SUMF1: variants seen among roughly 807,000 people sequenced by gnomAD.
SUMF1 encodes the protein formylglycine-generating enzyme.
A neutral mutation model predicts 47.6 loss-of-function variants in SUMF1; 48 were observed. The ratio of observed to expected loss-of-function variants is 1.01; its 90% CI spans 0.80 to 1.28. The LOEUF (loss-of-function observed/expected upper bound fraction) is 1.28, where lower values mean the gene tolerates loss of function less well. Ranked by LOEUF, SUMF1 falls within the 50% of genes most tolerant of loss-of-function variation. The probability of loss-of-function intolerance (pLI) is 0.00; values close to 1 mark genes in which losing one functional copy is unlikely to be tolerated. For synonymous variants in SUMF1, 230 were observed against 192.1 expected, an observed-to-expected ratio of 1.20 and a Z score of -1.63; for missense variants, 571 against 485.4, an observed-to-expected ratio of 1.18 and a Z score of -1.66.
chr3:4,303,864 C>T, intron 8 of SUMF1: 1 of 1,309,502 alleles, frequency 7.6e-7, no homozygotes, highest in South Asian at 1.3e-5. Flanking sequence ...AGGTGTCTCT[C>T]ACAGGTAGGA....
chr3:4,348,566 A>G (rs775792990), intron 8 of SUMF1, among the ~76,000 whole-genome samples: 5 of 152,190 alleles, frequency 3.3e-5, no homozygotes, highest in Admixed American at 6.5e-5. Flanking sequence ...ACCCAAAACC[A>G]TAAAAACCTC....
chr3:4,266,575 G>A (rs1013515261), intron 8 of SUMF1, among the ~76,000 whole-genome samples: 1 of 152,122 alleles, frequency 6.6e-6, no homozygotes, highest in Non-Finnish European at 1.5e-5. Context: ...CATTGACTTT[G>A]TATCCTGAGA....
intron 8 of SUMF1, among the ~76,000 whole-genome samples, chr3:4,285,780 G>T (rs989448391): frequency 2.6e-5 from 4 of 152,062 alleles, no homozygotes; most frequent in Admixed American, 1.3e-4. Flanking sequence ...AAAGGTTAAA[G>T]TTGATATATT....
chr3:4,318,193 CAAAA>C (rs566619474), intron 8 of SUMF1, among the ~76,000 whole-genome samples: 1 of 137,124 alleles, frequency 7.3e-6, no homozygotes, highest in African/African-American at 2.7e-5. Context: ...AATACAGAGG[CAAAA>C]AAAAAAAGTA....
chr3:4,183,734 A>G (rs1452927169), intron 8 of SUMF1, among the ~76,000 whole-genome samples: 3 of 152,206 alleles, frequency 2.0e-5, no homozygotes, highest in Admixed American at 1.3e-4. Context: ...AAGCCTGCCT[A>G]TATGATTCTT....
At chr3:4,265,179 A>G (rs1293341572) in intron 8 of SUMF1, among the ~76,000 whole-genome samples, 1 of 150,210 alleles carries the variant, frequency 6.7e-6, no homozygotes, top group Non-Finnish European at 1.5e-5. Flanking sequence ...GGACACAAAT[A>G]TGTTCTATGC....
At chr3:4,411,045 G>T in intron 6 of SUMF1, 67 bp from the exon 7 acceptor site, 1 of 1,239,914 alleles carries the variant, frequency 8.1e-7, no homozygotes, top group Non-Finnish European at 1.2e-6. Context: ...CTTCAGTGCA[G>T]AAATGCAGCA....
Position 4,418,706 on chromosome 3 carries a change from C to G in SUMF1, c.603-574G>C, listed in dbSNP as rs1337596171. ...GGTGTGGGGCCCTAACATTCTGCAT[C>G]CTAAACTCTGTTTCAGCCTCTGTTT... On this transcript the variant is annotated intron_variant, in intron 4 of 8. Transcript: ENST00000272902. 2.6e-5 allele frequency among the ~76,000 whole-genome samples: 4 copies of G among 152,214 alleles called. No individual in the cohort carries two copies. The East Asian group carries it at 7.7e-4, about 29-fold the overall frequency.
chr3:4,360,354 G>T (rs1436422579), downstream of SUMF1, among the ~76,000 whole-genome samples: 3 of 149,338 alleles, frequency 2.0e-5, no homozygotes, highest in Non-Finnish European at 4.4e-5. Flanking sequence ...CTGAGACAAA[G>T]TCTTGTTCTC....
chr3:4,081,769 C>G (rs1039878331), intron 8 of SUMF1, among the ~76,000 whole-genome samples: 4 of 152,108 alleles, frequency 2.6e-5, no homozygotes, highest in African/African-American at 9.7e-5. Context: ...ATCTCGGTTA[C>G]TCAATCCAAC....
intron 8 of SUMF1, among the ~76,000 whole-genome samples, chr3:4,202,857 G>A (rs544408559): frequency 6.6e-6 from 1 of 151,872 alleles, no homozygotes; most frequent in African/African-American, 2.4e-5. Context: ...GGAGCATATT[G>A]TTAATTTCCA....
At chr3:4,188,875 ATTAAT>A (rs1356789633) in intron 8 of SUMF1, among the ~76,000 whole-genome samples, 4 of 152,194 alleles carry the variant, frequency 2.6e-5, no homozygotes, top group African/African-American at 7.2e-5. Context: ...TTTTGCTTAT[ATTAAT>A]TTGAGTAAAC....
intron 9 of SUMF1, among the ~76,000 whole-genome samples, chr3:4,058,330 T>A (rs1695224030): frequency 6.6e-6 from 1 of 152,184 alleles, no homozygotes; most frequent in Non-Finnish European, 1.5e-5. Flanking sequence ...TACAGGGTCA[T>A]GTACATAACA....
At chr3:4,112,443 G>A (rs1235113778) in intron 8 of SUMF1, among the ~76,000 whole-genome samples, 1 of 152,108 alleles carries the variant, frequency 6.6e-6, no homozygotes, top group Non-Finnish European at 1.5e-5. Flanking sequence ...CTAATGGTGA[G>A]AAGAAATTGT....
chr3:4,208,406 T>A (rs1695699667), intron 8 of SUMF1, among the ~76,000 whole-genome samples: 1 of 150,618 alleles, frequency 6.6e-6, no homozygotes. Flanking sequence ...TTTACTGCAG[T>A]TCCAGTTACC....
chr3:4,412,962 G>T (rs537424134), intron 6 of SUMF1, among the ~76,000 whole-genome samples: 1 of 152,244 alleles, frequency 6.6e-6, no homozygotes, highest in African/African-American at 2.4e-5. Context: ...GAGCACAGGT[G>T]GAGGTGCTCT....
chr3:4,075,154 C>T (rs565808174), intron 8 of SUMF1, among the ~76,000 whole-genome samples: 9 of 151,696 alleles, frequency 5.9e-5, no homozygotes, highest in East Asian at 3.9e-4. Context: ...ACCACCAAGT[C>T]GGCTTCATCC....
At chr3:4,052,944 G>A (rs982280052) in intron 9 of SUMF1, among the ~76,000 whole-genome samples, 2 of 152,102 alleles carry the variant, frequency 1.3e-5, no homozygotes, top group African/African-American at 4.8e-5. Flanking sequence ...TCACTAGAGC[G>A]GCACTTTTAA....
chr3:4,168,727 G>C (rs1365375457), intron 8 of SUMF1, among the ~76,000 whole-genome samples: 1 of 152,066 alleles, frequency 6.6e-6, no homozygotes, highest in East Asian at 1.9e-4. Context: ...ATCTCTCTAA[G>C]ATTCATCTGT....
Sources: gnomAD v4.1 joint callset for allele counts (sites outside exome capture counted in the v4.1 genomes callset) on GRCh38, gnomAD v4.1.1 for gene constraint, MANE v1.5 for transcripts, NCBI Gene and HGNC (gene_info 2026-07-23, HGNC 2026-07-21) for gene names.